RB1CC1: variants seen among roughly 807,000 people sequenced by gnomAD.
RB1CC1 encodes RB1-inducible coiled-coil protein 1.
RB1CC1 carries 46 observed loss-of-function variants against 177.5 expected under a neutral mutation model. That is an observed-to-expected ratio of 0.26 (90% CI 0.20 to 0.33). RB1CC1 has a LOEUF of 0.33. RB1CC1 is among the 10% of genes least tolerant of loss of function. The pLI, the probability that RB1CC1 is intolerant of heterozygous loss-of-function variation, is 1.00. For synonymous variants in RB1CC1, 666 were observed against 613.6 expected, an observed-to-expected ratio of 1.09 and a Z score of -1.26; for missense variants, 1,703 against 1,816.3, an observed-to-expected ratio of 0.94 and a Z score of 1.13.
At chr8:52,694,474 G>A (rs1855196411) in intron 1 of RB1CC1, among the ~76,000 whole-genome samples, 1 of 152,190 alleles carries the variant, frequency 6.6e-6, no homozygotes. Flanking sequence ...ACGGGACGCA[G>A]CAGGAGTTTT....
chr8:52,660,722 G>T, intron 11 of RB1CC1, 65 bp from the exon 12 acceptor site: 1 of 1,419,136 alleles, frequency 7.0e-7, no homozygotes, highest in Non-Finnish European at 9.6e-7. Context: ...ATTATCTCTG[G>T]TTTTTGAAAA....
Position 52,657,838 on chromosome 8 carries a change from G to C in RB1CC1, c.1991C>G (p.Thr664Ser), listed in dbSNP as rs1268140408. The C allele has an allele frequency of 6.2e-7, 1 of 1,614,016 alleles. No homozygotes were observed. Among genetic ancestry groups the C allele is most frequent in the Non-Finnish European group, 8.5e-7 (1 of 1,180,012 alleles). ...PRMESTAGIT[T>S]TTSPRTPPPL... Reference sequence around the variant, plus strand: ...TGGAGGAGTTCTCGGTGAGGTAGTAGTTGTAATTCCTGCTGTACTTTCCAT... The same window carrying C: ...TGGAGGAGTTCTCGGTGAGGTAGTACTTGTAATTCCTGCTGTACTTTCCAT... Residue 664 changes from threonine to serine, a missense_variant, in exon 15 of 24, where the codon ACT becomes AGT. Around this residue, in one of 6 missense-constraint regions of RB1CC1, gnomAD observed 1,169 missense variants for 1,184.7 expected, o/e 0.99. Transcript: ENST00000025008.
chr8:52,703,840 T>C (rs1856316470), intron 1 of RB1CC1, among the ~76,000 whole-genome samples: 1 of 152,118 alleles, frequency 6.6e-6, no homozygotes, highest in East Asian at 1.9e-4. Context: ...AAACAGTCAA[T>C]AAATGTTTGC....
In RB1CC1 at chr8:52,659,027, G is replaced by T. The variant is rs138822644; in HGVS notation, c.1690-51C>A. 1.7e-5 allele frequency: 16 copies of T among 961,572 alleles called. No individual in the cohort carries two copies. In the East Asian group the frequency reaches 4.7e-4, roughly 28 times the overall value. The allele number at this position is 961,572 out of a possible 1,614,324, so 59.6% of individuals were successfully genotyped here. A position where few individuals can be genotyped will look rare whatever the true frequency, so the allele number is the denominator to read the frequency against. On this transcript the variant is annotated intron_variant, in intron 12 of 23. Coordinates refer to ENST00000025008, the MANE Select transcript of RB1CC1 (RefSeq NM_014781.5). Reference sequence around the variant, plus strand: ...AAAAATTTTTTTTCAACCAAAAACAGACAGCAAATTTATATGATTTCTTAC... The same window carrying T: ...AAAAATTTTTTTTCAACCAAAAACATACAGCAAATTTATATGATTTCTTAC...
intron 16 of RB1CC1, among the ~76,000 whole-genome samples, chr8:52,644,431 TATAAG>T (rs1351711749): frequency 6.6e-6 from 1 of 152,198 alleles, no homozygotes; most frequent in East Asian, 1.9e-4. Flanking sequence ...TACATGTGCT[TATAAG>T]AGAACACACA....
chr8:52,674,084 A>G lies in RB1CC1; in HGVS notation c.763T>C (p.Leu255=). Residue 255 remains leucine, a synonymous_variant, in exon 7 of 24, where the codon TTA becomes CTA. Transcript: ENST00000025008. ...TCCACTGACTTGGGAAATGAGGTTA[A>G]CAAAGATTCGTTAGTTGTTCTAGGC... The part of the protein sequence containing the change: ...DMPRTTNESL[L]TSFPKSVEHV... 1 of 1,614,162 alleles carries G rather than the reference A, an allele frequency of 6.2e-7. No individual in the cohort carries two copies. Among genetic ancestry groups the G allele is most frequent in the African/African-American group, 1.3e-5 (1 of 75,060 alleles).
At chr8:52,669,409 T>C (rs1477228955) in intron 7 of RB1CC1, among the ~76,000 whole-genome samples, 1 of 152,184 alleles carries the variant, frequency 6.6e-6, no homozygotes, top group Non-Finnish European at 1.5e-5. Flanking sequence ...CCTAGTCAAA[T>C]ACCTCCTTCA....
At position 52,639,973 on chromosome 8, in the gene RB1CC1, T is replaced by C. The variant is rs570010171; in HGVS notation, c.4337+2378A>G. On this transcript the variant is annotated intron_variant, in intron 18 of 23. Transcript: ENST00000025008. Reference sequence around the variant, plus strand: ...AGGTTATGTCCCTCTTTTCATTACATATATTTATTTGTACCTTCTATTTAT... The same window carrying C: ...AGGTTATGTCCCTCTTTTCATTACACATATTTATTTGTACCTTCTATTTAT... 7.9e-5 allele frequency among the ~76,000 whole-genome samples: 12 copies of C among 152,334 alleles called. No homozygotes were observed. The East Asian group carries it at 1.9e-3, about 24-fold the overall frequency.
In RB1CC1 at chr8:52,659,355, A is replaced by C. The variant is rs150417973; in HGVS notation, c.1690-379T>G. Among the ~76,000 whole-genome samples the C allele has an allele frequency of 7.5e-4, 114 of 152,278 alleles. 1 individual carries two copies. Among genetic ancestry groups the C allele is most frequent in the African/African-American group, 2.6e-3 (109 of 41,562 alleles). ...CCATGTTAAAGCCACTAATATATTA[A>C]AATGCACACATGTATTTTTTTTCCA... On this transcript the variant is annotated intron_variant, in intron 12 of 23. Coordinates refer to ENST00000025008, the MANE Select transcript of RB1CC1 (RefSeq NM_014781.5).
In RB1CC1 at chr8:52,658,893, C is replaced by T. The variant is rs187858160; in HGVS notation, c.1773G>A (p.Ser591=). The part of the protein sequence containing the change: ...DLQFLQSFCP[S]EVQPFLRVPL... The stretch of plus-strand genomic sequence containing the variant: ...TTTACCTGAGGAATGGCTGAACTTC[C>T]GAAGGACAAAATGATTGCAGAAACT... The change falls in exon 13 of 24, where the codon TCG becomes TCA. Residue 591 remains serine, a synonymous_variant. Transcript: ENST00000025008. 27 of 1,579,098 alleles carry T rather than the reference C, an allele frequency of 1.7e-5. No homozygotes were observed. In the East Asian group the frequency reaches 4.6e-4, roughly 27 times the overall value.
intron 1 of RB1CC1, among the ~76,000 whole-genome samples, chr8:52,712,057 A>T (rs1000392433): frequency 6.6e-6 from 1 of 152,124 alleles, no homozygotes; most frequent in African/African-American, 2.4e-5. Context: ...TTACTTAAAC[A>T]TTTTTATGTT....
chr8:52,702,996 T>C (rs1856219639), intron 1 of RB1CC1, among the ~76,000 whole-genome samples: 1 of 152,162 alleles, frequency 6.6e-6, no homozygotes, highest in Non-Finnish European at 1.5e-5. Flanking sequence ...CTAGTAGCAG[T>C]ACTCTAAGCA....
At chr8:52,631,156 G>A (rs932692295) in intron 20 of RB1CC1, among the ~76,000 whole-genome samples, 2 of 152,148 alleles carry the variant, frequency 1.3e-5, no homozygotes, top group Non-Finnish European at 2.9e-5. Context: ...GAGGGGAGAA[G>A]GGGATGGGGT....
chr8:52,643,696 C>CAAA (rs34520917), intron 16 of RB1CC1, among the ~76,000 whole-genome samples: 4 of 81,072 alleles, frequency 4.9e-5, no homozygotes, highest in Non-Finnish European at 9.3e-5. Context: ...CTCTAAGAGG[C>CAAA]AAAAAAAAAA....
intron 1 of RB1CC1, among the ~76,000 whole-genome samples, chr8:52,692,761 T>C (rs960226480): frequency 6.6e-6 from 1 of 152,186 alleles, no homozygotes; most frequent in Non-Finnish European, 1.5e-5. Flanking sequence ...ATTTTCTCCC[T>C]TATGTGACCA....
At chr8:52,640,207 T>C (rs1275240614) in intron 18 of RB1CC1, among the ~76,000 whole-genome samples, 1 of 152,128 alleles carries the variant, frequency 6.6e-6, no homozygotes, top group African/African-American at 2.4e-5. Flanking sequence ...GTTTATCTCA[T>C]GGAGGCAGAG....
At chr8:52,637,673 T>A (rs973355572) in intron 18 of RB1CC1, among the ~76,000 whole-genome samples, 2 of 151,906 alleles carry the variant, frequency 1.3e-5, no homozygotes, top group Non-Finnish European at 2.9e-5. Flanking sequence ...ATTTATTTAT[T>A]TATTTATTTA....
chr8:52,663,028 T>C (rs1191416200), intron 8 of RB1CC1, among the ~76,000 whole-genome samples: 3 of 151,928 alleles, frequency 2.0e-5, no homozygotes, highest in Non-Finnish European at 4.4e-5. Flanking sequence ...AAGGAAAAAA[T>C]AAAGTTTTTC....
intron 15 of RB1CC1, among the ~76,000 whole-genome samples, chr8:52,649,402 T>C (rs1850363055): frequency 6.6e-6 from 1 of 152,210 alleles, no homozygotes; most frequent in African/African-American, 2.4e-5. Context: ...CAAAGGACTG[T>C]ATTATATCCA....
Sources: allele counts gnomAD v4.1 joint callset (sites outside exome capture counted in the v4.1 genomes callset), GRCh38; gene constraint gnomAD v4.1.1; regional missense constraint gnomAD v4.1.1; transcripts MANE v1.5; gene names NCBI Gene and HGNC (gene_info 2026-07-23, HGNC 2026-07-21).